Variants in ALG13 observed in about 807,000 individuals in gnomAD.
ALG13 encodes UDP-N-acetylglucosamine transferase subunit ALG13.
A neutral mutation model predicts 87.8 loss-of-function variants in ALG13; 11 were observed. That is an observed-to-expected ratio of 0.13 (90% CI 0.08 to 0.21). The LOEUF is 0.21. Ranked by LOEUF, ALG13 falls within the 10% of genes least tolerant of loss-of-function variation. ALG13 has a pLI of 1.00. For synonymous variants in ALG13, 320 were observed against 306.3 expected, an observed-to-expected ratio of 1.04 and a Z score of -0.47; for missense variants, 756 against 866.1, an observed-to-expected ratio of 0.87 and a Z score of 1.60.
At chrX:111,697,751 T>C (rs958380102) in intron 3 of ALG13, among the ~76,000 whole-genome samples, 1 of 112,288 alleles carries the variant, frequency 8.9e-6, no homozygotes, top group Non-Finnish European at 1.9e-5. Flanking sequence ...TCATGTTTTT[T>C]CTGCCTTGGT....
chrX:111,739,200 GGA>G (rs1352315038), intron 23 of ALG13, among the ~76,000 whole-genome samples: 4 of 111,573 alleles, frequency 3.6e-5, no homozygotes, highest in Middle Eastern at 4.6e-3. Context: ...CAAGGCACCA[GGA>G]GAGAGAGAAA....
chrX:111,754,644 A>G (rs1945069908), intron 25 of ALG13, among the ~76,000 whole-genome samples: 1 of 112,053 alleles, frequency 8.9e-6, no homozygotes, highest in South Asian at 3.7e-4. Context: ...CACCAATAAT[A>G]GCCAAACCAT....
chrX:111,699,177 G>A (rs1184325258), intron 3 of ALG13, among the ~76,000 whole-genome samples: 2 of 109,936 alleles, frequency 1.8e-5, no homozygotes, highest in Non-Finnish European at 3.8e-5. Context: ...TGTTCGTTTA[G>A]TTCCTTTGCT....
At chrX:111,731,364 A>G (rs1474355779) in intron 21 of ALG13, among the ~76,000 whole-genome samples, 3 of 111,656 alleles carry the variant, frequency 2.7e-5, no homozygotes, top group Admixed American at 9.5e-5. Context: ...TGAAATTTCT[A>G]TTCATAAAGG....
chrX:111,683,041 A>G (rs901841554), intron 2 of ALG13, among the ~76,000 whole-genome samples: 4 of 110,068 alleles, frequency 3.6e-5, no homozygotes, highest in African/African-American at 6.6e-5. Context: ...TGAGGAGAGA[A>G]AAGTCTTTAG....
intron 21 of ALG13, among the ~76,000 whole-genome samples, chrX:111,732,081 C>A (rs1253722959): frequency 1.8e-5 from 2 of 111,466 alleles, no homozygotes; most frequent in Non-Finnish European, 3.8e-5. Flanking sequence ...TTCCTTCAAC[C>A]CTGTGAGTCC....
chrX:111,682,188 G>A lies in ALG13; in HGVS notation c.138G>A (p.Val46=), dbSNP rs1200147066. 1 of 1,198,243 alleles carries A rather than the reference G, an allele frequency of 8.3e-7. No individual in the cohort carries two copies. ...TCCTGCAAATTGGTAGAGGAACGGT[G>A]GTACCTGAACCCTTCAGTACTGAGT... ...RLILQIGRGT[V]VPEPFSTESF... The change falls in exon 2 of 27, where the codon GTG becomes GTA. Residue 46 remains valine (V), a synonymous_variant. Coordinates refer to ENST00000394780, the MANE Select transcript of ALG13 (RefSeq NM_001099922.3).
At chrX:111,741,514 T>C (rs1425173696) in intron 23 of ALG13, among the ~76,000 whole-genome samples, 1 of 112,146 alleles carries the variant, frequency 8.9e-6, no homozygotes, top group African/African-American at 3.2e-5. Flanking sequence ...CTGTTTTATT[T>C]ATAAAAAGAT....
In ALG13 at chrX:111,751,625, C is replaced by G. The variant is rs149719346; in HGVS notation, c.2933-1165C>G. ...GTATCAAGTAGAATCCCATGCCACT[C>G]ATGAATTTATTTCCTACTATTTTTT... is the stretch of plus-strand genomic sequence containing the variant. On this transcript the variant is annotated intron_variant, in intron 24 of 26. Coordinates refer to ENST00000394780, the MANE Select transcript of ALG13 (RefSeq NM_001099922.3). Among the ~76,000 whole-genome samples, 63 of 111,654 alleles carry G rather than the reference C, an allele frequency of 5.6e-4. 1 individual carries two copies. In the East Asian group the frequency reaches 0.017, roughly 30 times the overall value.
chrX:111,736,469 T>TA (rs931619860), intron 22 of ALG13, among the ~76,000 whole-genome samples: 1 of 111,827 alleles, frequency 8.9e-6, no homozygotes, highest in African/African-American at 3.3e-5. Flanking sequence ...TACGATTTAA[T>TA]ACTTGATTTT....
At chrX:111,710,746 G>C (rs1012382527) in intron 5 of ALG13, among the ~76,000 whole-genome samples, 1 of 111,879 alleles carries the variant, frequency 8.9e-6, no homozygotes, top group African/African-American at 3.3e-5. Flanking sequence ...ACCCAGGCTG[G>C]AGTGCAGTGG....
Position 111,760,351 on chromosome X carries a change from A to G in ALG13, c.*352A>G. The G allele has an allele frequency of 6.7e-6, 1 of 148,223 alleles. No homozygotes were observed. Among genetic ancestry groups the G allele is most frequent in the East Asian group, 1.7e-4 (1 of 5,754 alleles). The allele number at this position is 148,223 out of a possible 1,213,427, so 12.2% of individuals were successfully genotyped here. On this transcript the variant is annotated 3_prime_UTR_variant, in exon 27 of 27. Coordinates refer to ENST00000394780, the MANE Select transcript of ALG13 (RefSeq NM_001099922.3). ...TGGTTCAAAAATCACACATCATATT[A>G]AACCATGCAGAATTGGAGTAACTTC...
rs199792843 is a variant in ALG13 at position 111,693,263 on chromosome X, T to TA, written c.383+8160_383+8161insA. ...TGTAGAATACATGATGCTATTTATT[T>TA]TTTTTTTTTTTAACGGAGTCTCGCT... is the stretch of plus-strand genomic sequence containing the variant. On this transcript the variant is annotated intron_variant, in intron 3 of 26. Coordinates refer to ENST00000394780, the MANE Select transcript of ALG13 (RefSeq NM_001099922.3). Among the ~76,000 whole-genome samples the TA allele has an allele frequency of 8.8e-3, 928 of 105,273 alleles. 18 individuals are homozygous for TA. Among genetic ancestry groups the TA allele is most frequent in the African/African-American group, 0.03 (844 of 28,458 alleles). 91.4% of individuals were successfully genotyped at this position (105,273 alleles called of 115,157 possible). A position where few individuals can be genotyped will look rare whatever the true frequency, so the allele number is the denominator to read the frequency against.
At chrX:111,751,931 T>C (rs1944794049) in intron 24 of ALG13, among the ~76,000 whole-genome samples, 1 of 112,070 alleles carries the variant, frequency 8.9e-6, no homozygotes, top group Non-Finnish European at 1.9e-5. Context: ...TGAAATAGTT[T>C]AGTTTCATAA....
intron 21 of ALG13, among the ~76,000 whole-genome samples, chrX:111,731,253 G>T (rs2148272031): frequency 8.9e-6 from 1 of 111,969 alleles, no homozygotes; most frequent in Non-Finnish European, 1.9e-5. Context: ...GTTATATTGG[G>T]TCCAGATGTA....
intron 3 of ALG13, among the ~76,000 whole-genome samples, chrX:111,701,747 T>C (rs1937912208): frequency 8.9e-6 from 1 of 111,994 alleles, no homozygotes; most frequent in East Asian, 2.8e-4. Context: ...TTCTAGTTCC[T>C]TGAAGTATGT....
chrX:111,744,990 GA>G lies in ALG13; in HGVS notation c.2932+88del. 3.7e-6 allele frequency: 3 copies of G among 806,656 alleles called. No individual in the cohort carries two copies. In the South Asian group the frequency reaches 6.8e-5, roughly 18 times the overall value. 66.5% of individuals were successfully genotyped at this position (806,656 alleles called of 1,213,427 possible). On this transcript the variant is annotated intron_variant, in intron 24 of 26. Transcript: ENST00000394780. Reference sequence around the variant, plus strand: ...ATCTCTCTTTGGTTGACCTATTGGGGAATGGGGAACCAAATGAAAATTGACT... The same window carrying G: ...ATCTCTCTTTGGTTGACCTATTGGGGATGGGGAACCAAATGAAAATTGACT...
At chrX:111,687,466 G>T (rs1483302319) in intron 3 of ALG13, among the ~76,000 whole-genome samples, 1 of 112,119 alleles carries the variant, frequency 8.9e-6, no homozygotes, top group African/African-American at 3.2e-5. Context: ...TTATTTCACA[G>T]TCTTCATGCA....
At chrX:111,687,965 T>C in intron 3 of ALG13, 1 of 1,173,943 alleles carries the variant, frequency 8.5e-7, no homozygotes, top group Non-Finnish European at 1.1e-6. Flanking sequence ...AAAAATTTTC[T>C]GCATTTTTGG....
Sources: gnomAD v4.1 joint callset for allele counts (sites outside exome capture counted in the v4.1 genomes callset) on GRCh38, gnomAD v4.1.1 for gene constraint, MANE v1.5 for transcripts, NCBI Gene and HGNC (gene_info 2026-07-23, HGNC 2026-07-21) for gene names.